RIN3: variants seen among roughly 807,000 people sequenced by gnomAD.
RIN3 encodes Ras and Rab interactor 3.
A neutral mutation model predicts 76.3 loss-of-function variants in RIN3; 54 were observed. That is an observed-to-expected ratio of 0.71 (90% CI 0.57 to 0.89). RIN3 has a LOEUF of 0.89. RIN3 is among the 40% of genes least tolerant of loss of function. The pLI is 0.00. For missense variants in RIN3, 1,256 were observed against 1,322.1 expected, an observed-to-expected ratio of 0.95 and a Z score of 0.78; for synonymous variants, 576 against 564.0, an observed-to-expected ratio of 1.02 and a Z score of -0.30.
intron 1 of RIN3, among the ~76,000 whole-genome samples, chr14:92,518,325 C>G (rs1896500487): frequency 6.6e-6 from 1 of 152,224 alleles, no homozygotes; most frequent in Non-Finnish European, 1.5e-5. Context: ...ATGCTTGAGG[C>G]CAATGATACG....
rs543927629 is a variant in RIN3 at position 92,636,519 on chromosome 14, G to C, written c.441-4719G>C. Reference sequence around the variant, plus strand: ...GAACTGCTTGGACCTGGGAGGTGGAGGTTGCAGTGAGCCCAGATCATGTCA... The same window carrying C: ...GAACTGCTTGGACCTGGGAGGTGGACGTTGCAGTGAGCCCAGATCATGTCA... On this transcript the variant is annotated intron_variant, in intron 4 of 9. Coordinates refer to ENST00000216487, the MANE Select transcript of RIN3 (RefSeq NM_024832.5). Among the ~76,000 whole-genome samples, 3 of 152,332 alleles carry C rather than the reference G, an allele frequency of 2.0e-5. No homozygotes were observed. In the East Asian group the frequency reaches 5.8e-4, roughly 29 times the overall value.
chr14:92,679,634 C>T (rs1201209730), intron 8 of RIN3, among the ~76,000 whole-genome samples: 1 of 152,150 alleles, frequency 6.6e-6, no homozygotes, highest in Non-Finnish European at 1.5e-5. Context: ...CTTAGCCCTC[C>T]TGGCTTAGTG....
chr14:92,575,445 C>G (rs901314595), intron 2 of RIN3, among the ~76,000 whole-genome samples: 2 of 152,178 alleles, frequency 1.3e-5, no homozygotes, highest in Admixed American at 1.3e-4. Context: ...AATGGGTGCT[C>G]TATCCTGGTA....
At chr14:92,615,992 A>G (rs1387296282) in intron 4 of RIN3, 1 of 154,316 alleles carries the variant, frequency 6.5e-6, no homozygotes, top group African/African-American at 2.4e-5. Flanking sequence ...GACTTAAGCT[A>G]CGGGACCTTG....
intron 4 of RIN3, among the ~76,000 whole-genome samples, chr14:92,620,936 G>A (rs1215955489): frequency 1.3e-5 from 2 of 152,186 alleles, no homozygotes; most frequent in East Asian, 1.9e-4. Context: ...AGCAATGCAA[G>A]CATGTATGTG....
intron 3 of RIN3, among the ~76,000 whole-genome samples, chr14:92,586,123 A>G (rs1006879281): frequency 2.0e-5 from 3 of 152,216 alleles, no homozygotes; most frequent in African/African-American, 7.2e-5. Context: ...TGATGAGCAC[A>G]TCAATCGGTG....
chr14:92,578,902 T>C (rs910018137), intron 3 of RIN3, among the ~76,000 whole-genome samples: 8 of 152,280 alleles, frequency 5.3e-5, no homozygotes, highest in South Asian at 2.1e-4. Context: ...ACGTGACTCC[T>C]GAGCCATAAT....
chr14:92,531,857 G>C (rs112310667), intron 1 of RIN3, among the ~76,000 whole-genome samples: 3 of 149,196 alleles, frequency 2.0e-5, no homozygotes, highest in Admixed American at 6.7e-5. Context: ...CACAACTCTC[G>C]CCCCCCTAGT....
chr14:92,545,106 G>GTT (rs540126016), intron 1 of RIN3, among the ~76,000 whole-genome samples: 1,047 of 82,188 alleles, frequency 0.013, 83 homozygotes, highest in African/African-American at 0.035. Flanking sequence ...ACTTTCTGGT[G>GTT]TTTTTTTTTT....
intron 1 of RIN3, among the ~76,000 whole-genome samples, chr14:92,540,277 G>A (rs543983001): frequency 1.3e-5 from 2 of 152,312 alleles, no homozygotes; most frequent in East Asian, 3.9e-4. Flanking sequence ...GGCCCATAGA[G>A]CCTGTCCCCT....
chr14:92,622,963 G>C (rs1377874281), intron 4 of RIN3, among the ~76,000 whole-genome samples: 1 of 152,220 alleles, frequency 6.6e-6, no homozygotes, highest in Non-Finnish European at 1.5e-5. Context: ...TGTTACTATA[G>C]GATTGGGAAG....
intron 1 of RIN3, among the ~76,000 whole-genome samples, chr14:92,537,656 T>C (rs1897032534): frequency 7.5e-6 from 1 of 132,574 alleles, no homozygotes; most frequent in African/African-American, 2.9e-5. Flanking sequence ...TTTTTTTTTT[T>C]TTTTTGGAGA....
chr14:92,652,531 G>A lies in RIN3; in HGVS notation c.1482G>A (p.Thr494=), dbSNP rs762300932. 1.5e-5 allele frequency: 24 copies of A among 1,613,614 alleles called. No homozygotes were observed. The highest frequency in any genetic ancestry group is 6.7e-5 in the African/African-American group (5 of 75,008). ...CTQAMALETP[T]PGPPREGQSP... The stretch of plus-strand genomic sequence containing the variant: ...AGGCGATGGCCTTGGAGACACCCAC[G>A]CCGGGTCCACCCAGAGAGGGCCAAA... Residue 494 remains threonine (T), a synonymous_variant, in exon 6 of 10, where the codon ACG becomes ACA. Coordinates refer to ENST00000216487, the MANE Select transcript of RIN3 (RefSeq NM_024832.5). The surrounding 1 kb of genome is among the most constrained non-coding windows in gnomAD (Gnocchi z 6.4).
chr14:92,654,760 C>T (rs1448449267), intron 6 of RIN3, among the ~76,000 whole-genome samples: 1 of 152,200 alleles, frequency 6.6e-6, no homozygotes, highest in Admixed American at 6.5e-5. Context: ...AGTTATTGGG[C>T]ACCCAACTCC....
At chr14:92,651,487 T>TG in intron 5 of RIN3, 95 bp from the exon 6 acceptor site, 5 of 534,666 alleles carry the variant, frequency 9.4e-6, no homozygotes, top group Non-Finnish European at 6.6e-6. Context: ...TGAACAGCCC[T>TG]CCCACCCGTG....
intron 5 of RIN3, chr14:92,644,920 A>G (rs1342668774): frequency 6.6e-6 from 1 of 152,246 alleles, no homozygotes; most frequent in African/African-American, 2.4e-5. Context: ...CATGTCACAC[A>G]TTGTTCTAGG....
chr14:92,590,152 A>C (rs1278942190), intron 3 of RIN3, among the ~76,000 whole-genome samples: 4 of 152,228 alleles, frequency 2.6e-5, no homozygotes, highest in African/African-American at 9.6e-5. Context: ...TTTTACCACC[A>C]GTAGCTTGAC....
intron 2 of RIN3, among the ~76,000 whole-genome samples, chr14:92,566,198 G>A (rs1361612218): frequency 2.0e-5 from 3 of 152,164 alleles, no homozygotes; most frequent in Admixed American, 6.5e-5. Flanking sequence ...GGCTAGTTTA[G>A]CAGCTCTTTG....
At position 92,593,702 on chromosome 14, in the gene RIN3, T is replaced by A. The variant is rs8012395; in HGVS notation, c.367+16225T>A. 7.7e-3 allele frequency among the ~76,000 whole-genome samples: 1,168 copies of A among 152,226 alleles called. 15 individuals carry two copies. Among genetic ancestry groups the A allele is most frequent in the African/African-American group, 0.027 (1,127 of 41,528 alleles). On this transcript the variant is annotated intron_variant, in intron 3 of 9. Coordinates refer to ENST00000216487, the MANE Select transcript of RIN3 (RefSeq NM_024832.5). ...ACTTAAAGTATAATAATAATAATAA[T>A]AAAAAGCTGAGGTAACTTTATTAAT... is the stretch of plus-strand genomic sequence containing the variant.
Sources: gnomAD v4.1 joint callset for allele counts (sites outside exome capture counted in the v4.1 genomes callset) on GRCh38, gnomAD v4.1.1 for gene constraint, Gnocchi (gnomAD v3.1) non-coding constraint, MANE v1.5 for transcripts, NCBI Gene and HGNC (gene_info 2026-07-23, HGNC 2026-07-21) for gene names.